NRG2: variants seen among roughly 807,000 people sequenced by gnomAD.
NRG2 encodes pro-neuregulin-2, membrane-bound isoform.
A neutral mutation model predicts 73.9 loss-of-function variants in NRG2; 27 were observed. That is an observed-to-expected ratio of 0.37 (90% CI 0.27 to 0.50). The LOEUF is 0.50. NRG2 is among the 20% of genes least tolerant of loss of function. The probability of loss-of-function intolerance (pLI) is 0.96; values close to 1 mark genes in which losing one functional copy is unlikely to be tolerated. For synonymous variants in NRG2, 532 were observed against 541.0 expected (o/e 0.98, Z 0.23); for missense variants, 1,126 against 1,210.1 (o/e 0.93, Z 1.03).
At position 139,904,694 on chromosome 5, in the gene NRG2, G is replaced by A. The variant is rs1765119420; in HGVS notation, c.701-17183C>T. Among the ~76,000 whole-genome samples the A allele has an allele frequency of 6.6e-6, 1 of 152,136 alleles. No individual in the cohort carries two copies. The highest frequency in any genetic ancestry group is 2.1e-4 in the South Asian group (1 of 4,828). On this transcript the variant is annotated intron_variant, in intron 1 of 9. Transcript: ENST00000361474. The surrounding 1 kb of genome is among the most constrained non-coding windows in gnomAD (Gnocchi z 6.0). ...TAAACAGGGCGCCACAGACCTCCTC[G>A]CCGAAGAGGGGGCTTGAGCTGGGCT...
chr5:140,034,778 C>A (rs1045822262), intron 1 of NRG2, among the ~76,000 whole-genome samples: 4 of 151,934 alleles, frequency 2.6e-5, no homozygotes, highest in Non-Finnish European at 2.9e-5. Context: ...GCAAAAAAAA[C>A]CACGAAACTT....
chr5:139,867,813 T>A (rs1484811514), intron 4 of NRG2, among the ~76,000 whole-genome samples: 14 of 148,696 alleles, frequency 9.4e-5, no homozygotes, highest in South Asian at 4.3e-4. Flanking sequence ...TGTGTGTGTG[T>A]GTGTGTGTGT....
intron 1 of NRG2, among the ~76,000 whole-genome samples, chr5:139,956,279 G>A (rs1389795488): frequency 6.6e-6 from 1 of 152,006 alleles, no homozygotes; most frequent in African/African-American, 2.4e-5. Flanking sequence ...GTCAGGTCAG[G>A]AGGCTCCGAG....
chr5:140,001,102 C>T (rs1758432889), intron 1 of NRG2, among the ~76,000 whole-genome samples: 1 of 152,204 alleles, frequency 6.6e-6, no homozygotes, highest in Admixed American at 6.5e-5. Flanking sequence ...AAGCCTGCTG[C>T]TGCAGGCCCT....
In NRG2 at chr5:139,865,446, G is replaced by C. The variant is rs1044502009; in HGVS notation, c.1189+103C>G. 1.5e-5 allele frequency: 13 copies of C among 866,164 alleles called. No homozygotes were observed. The highest frequency in any genetic ancestry group is 2.5e-5 in the Non-Finnish European group (13 of 529,596). The allele number at this position is 866,164 out of a possible 1,614,324, so 53.7% of individuals were successfully genotyped here. On this transcript the variant is annotated intron_variant, in intron 5 of 9. Coordinates refer to ENST00000361474, the MANE Select transcript of NRG2 (RefSeq NM_004883.3). This position sits in a 1 kb window ranked among gnomAD's most constrained non-coding sequence, Gnocchi z 5.2. ...AGAGAAACAAAACAAAACAGCCAAA[G>C]ATCAAAACAACCAACACCCCTGGCC... is the stretch of plus-strand genomic sequence containing the variant.
At position 139,954,110 on chromosome 5, in the gene NRG2, G is replaced by A. The variant is rs1754438081; in HGVS notation, c.701-66599C>T. On this transcript the variant is annotated intron_variant, in intron 1 of 9. Coordinates refer to ENST00000361474, the MANE Select transcript of NRG2 (RefSeq NM_004883.3). The surrounding 1 kb of genome is among the most constrained non-coding windows in gnomAD (Gnocchi z 5.0). ...GACCCAGGGAGGGGTGGGGGACACAGAGCAAGCATGAGGCCAGGCTGGCGG... is the reference window on the plus strand; with the variant it reads ...GACCCAGGGAGGGGTGGGGGACACAAAGCAAGCATGAGGCCAGGCTGGCGG... 6.6e-6 allele frequency among the ~76,000 whole-genome samples: 1 copy of A among 152,182 alleles called. No individual in the cohort carries two copies. The highest frequency in any genetic ancestry group is 6.5e-5 in the Admixed American group (1 of 15,292).
At chr5:139,859,727 C>T (rs186293206) in intron 5 of NRG2, among the ~76,000 whole-genome samples, 57 of 152,274 alleles carry the variant, frequency 3.7e-4, no homozygotes, top group Middle Eastern at 3.4e-3. Context: ...GCTAAATCAA[C>T]GTAGTTTATG....
In NRG2 at chr5:140,021,544, G is replaced by T. The variant is rs149281030; in HGVS notation, c.700+20826C>A. Among the ~76,000 whole-genome samples, 81 of 152,328 alleles carry T rather than the reference G, an allele frequency of 5.3e-4. 1 individual carries two copies. In the East Asian group the frequency reaches 0.015, roughly 29 times the overall value. On this transcript the variant is annotated intron_variant, in intron 1 of 9. Coordinates refer to ENST00000361474, the MANE Select transcript of NRG2 (RefSeq NM_004883.3). The stretch of plus-strand genomic sequence containing the variant: ...ACCTAAGAGAGAGCAATCTCAGCAC[G>T]TTCATGTCATACTACACAAAGCACT...
At position 139,855,768 on chromosome 5, in the gene NRG2, C is replaced by T. The variant is rs567957130; in HGVS notation, c.1200G>A (p.Glu400=). 3.4e-5 allele frequency: 55 copies of T among 1,613,906 alleles called. 1 individual carries two copies. In the South Asian group the frequency reaches 5.7e-4, roughly 17 times the overall value. ...TGGTCAGGACCCTCTTCTGGTACAG[C>T]TCCTCGGCTTCTGCAGAGGTAGGGT... ...YMPDPKQKAE[E]LYQKRVLTIT... Residue 400 remains glutamate (E), a synonymous_variant, in exon 6 of 10, where the codon GAG becomes GAA. Transcript: ENST00000361474.
At chr5:140,038,705 G>C (rs1037571778) in intron 1 of NRG2, among the ~76,000 whole-genome samples, 9 of 152,200 alleles carry the variant, frequency 5.9e-5, no homozygotes, top group African/African-American at 1.9e-4. Flanking sequence ...GGAGAACTAG[G>C]AGAAAGAAGA....
chr5:139,938,914 AAAGAAAGAAAGAAAGAAAG>A (rs1753107963), intron 1 of NRG2, among the ~76,000 whole-genome samples: 1 of 106,578 alleles, frequency 9.4e-6, no homozygotes. Flanking sequence ...GAAAAGAAAG[AAAGAAAGAAAGAAAGAAAG>A]AAAGAAAGAA....
intron 1 of NRG2, among the ~76,000 whole-genome samples, chr5:139,910,382 G>A (rs1043028014): frequency 6.6e-6 from 1 of 152,200 alleles, no homozygotes; most frequent in Non-Finnish European, 1.5e-5. Context: ...TCCTCGTTAA[G>A]TGAATGAACT....
chr5:139,882,865 G>A (rs539800559), intron 2 of NRG2, among the ~76,000 whole-genome samples: 11 of 152,242 alleles, frequency 7.2e-5, no homozygotes, highest in Admixed American at 2.0e-4. Flanking sequence ...ACCTGGAGAA[G>A]GCAGGCACAG....
At chr5:139,857,119 G>C (rs1761857830) in intron 5 of NRG2, among the ~76,000 whole-genome samples, 1 of 152,118 alleles carries the variant, frequency 6.6e-6, no homozygotes. Flanking sequence ...CTCCTTCTGG[G>C]GCCCACTCCC....
At chr5:139,996,943 C>G (rs993102527) in intron 1 of NRG2, among the ~76,000 whole-genome samples, 8 of 152,152 alleles carry the variant, frequency 5.3e-5, no homozygotes, top group African/African-American at 1.9e-4. Context: ...GAGTTCAAGA[C>G]CAGCCTGGGC....
intron 1 of NRG2, among the ~76,000 whole-genome samples, chr5:139,955,208 C>A (rs1370233307): frequency 6.6e-6 from 1 of 152,074 alleles, no homozygotes; most frequent in Non-Finnish European, 1.5e-5. Context: ...CACTTCAACG[C>A]CATCAAGGAA....
At chr5:139,935,972 AAAAG>A (rs1255238580) in intron 1 of NRG2, among the ~76,000 whole-genome samples, 2 of 151,364 alleles carry the variant, frequency 1.3e-5, no homozygotes, top group African/African-American at 2.4e-5. Context: ...AAAAAAAAAA[AAAAG>A]AAAGAAAAAG....
At chr5:139,951,146 A>C (rs1352095601) in intron 1 of NRG2, among the ~76,000 whole-genome samples, 1 of 152,230 alleles carries the variant, frequency 6.6e-6, no homozygotes, top group Non-Finnish European at 1.5e-5. Flanking sequence ...ATGTGGGCCA[A>C]GCCCTGGATG....
At chr5:139,902,450 C>T (rs1490681380) in intron 1 of NRG2, among the ~76,000 whole-genome samples, 2 of 152,142 alleles carry the variant, frequency 1.3e-5, no homozygotes, top group South Asian at 2.1e-4. Context: ...CCAGGGGGAG[C>T]CCATTAATTA....
Sources: gnomAD v4.1 joint callset for allele counts (sites outside exome capture counted in the v4.1 genomes callset) on GRCh38, gnomAD v4.1.1 for gene constraint, Gnocchi (gnomAD v3.1) non-coding constraint, MANE v1.5 for transcripts, NCBI Gene and HGNC (gene_info 2026-07-23, HGNC 2026-07-21) for gene names.